Variants in ZNF248 observed in about 807,000 individuals in gnomAD.
ZNF248 encodes zinc finger protein 248, also known as KRAB protein domain.
ZNF248 carries 20 observed loss-of-function variants against 44.3 expected under a neutral mutation model. That is an observed-to-expected ratio of 0.45 (90% CI 0.32 to 0.66). The LOEUF is 0.66. Ranked by LOEUF, ZNF248 falls within the 30% of genes least tolerant of loss-of-function variation. ZNF248 has a pLI of 0.04. For synonymous variants in ZNF248, 224 were observed against 229.0 expected, an observed-to-expected ratio of 0.98 and a Z score of 0.20; for missense variants, 654 against 677.0, an observed-to-expected ratio of 0.97 and a Z score of 0.38.
At chr10:37,836,642 A>G (rs2057241185) in intron 5 of ZNF248, among the ~76,000 whole-genome samples, 2 of 152,182 alleles carry the variant, frequency 1.3e-5, no homozygotes, top group Admixed American at 1.3e-4. Context: ...CTATACCGTC[A>G]TTCTTCGTCC....
At chr10:37,826,692 T>C (rs559420936), downstream of ZNF248, among the ~76,000 whole-genome samples, 11 of 152,312 alleles carry the variant, frequency 7.2e-5, no homozygotes, top group South Asian at 1.9e-3. Context: ...TAATTTCCTG[T>C]GGATGAGCTG....
At chr10:37,765,784 A>G in the ZNF248 span, among the ~76,000 whole-genome samples, 1 of 152,226 alleles carries the variant, frequency 6.6e-6, no homozygotes, top group Admixed American at 6.5e-5. Flanking sequence ...GCAGCACACC[A>G]TGCGTGAGCT....
the ZNF248 span, among the ~76,000 whole-genome samples, chr10:37,766,738 C>T: frequency 6.6e-6 from 1 of 152,208 alleles, no homozygotes; most frequent in Non-Finnish European, 1.5e-5. Flanking sequence ...CAAAGGAACA[C>T]AGCTCCTCAC....
At chr10:37,835,863 T>C (rs2057184312) in intron 5 of ZNF248, among the ~76,000 whole-genome samples, 1 of 152,266 alleles carries the variant, frequency 6.6e-6, no homozygotes, top group South Asian at 2.1e-4. Flanking sequence ...TGGATACTTC[T>C]AGTTCTGACC....
chr10:37,806,570 C>T (rs942107993), intron 6 of ZNF248, among the ~76,000 whole-genome samples: 1 of 151,750 alleles, frequency 6.6e-6, no homozygotes, highest in Non-Finnish European at 1.5e-5. Context: ...GTCCTTGGCC[C>T]ATTTTTTAAT....
chr10:37,783,138 T>G (rs2047506258), intron 6 of ZNF248, among the ~76,000 whole-genome samples: 1 of 152,138 alleles, frequency 6.6e-6, no homozygotes, highest in African/African-American at 2.4e-5. Flanking sequence ...ACTCAAGAAC[T>G]CTTGAGTGGA....
intron 6 of ZNF248, among the ~76,000 whole-genome samples, chr10:37,812,710 A>G (rs147106514): frequency 6.6e-6 from 1 of 152,180 alleles, no homozygotes; most frequent in Non-Finnish European, 1.5e-5. Context: ...ATGTGCCCCC[A>G]GACAGTGTCT....
At chr10:37,827,942 C>T (rs2054648632), downstream of ZNF248, among the ~76,000 whole-genome samples, 1 of 152,066 alleles carries the variant, frequency 6.6e-6, no homozygotes, top group Non-Finnish European at 1.5e-5. Flanking sequence ...AGGAGTTTAC[C>T]AGAAAACTAT....
chr10:37,775,854 G>A (rs926718253), downstream of ZNF248, among the ~76,000 whole-genome samples: 2 of 152,118 alleles, frequency 1.3e-5, no homozygotes, highest in African/African-American at 4.8e-5. Context: ...TTTTAAGATT[G>A]TTTGCTTCTA....
chr10:37,843,981 G>A (rs1333781834), intron 3 of ZNF248, among the ~76,000 whole-genome samples: 1 of 152,122 alleles, frequency 6.6e-6, no homozygotes, highest in Non-Finnish European at 1.5e-5. Flanking sequence ...AAAAAAGAGA[G>A]AGAAATGGGG....
rs146633481 is a variant in ZNF248 at position 37,832,765 on chromosome 10, T to C, written c.590A>G (p.Asn197Ser). 1.8e-3 allele frequency: 2,826 copies of C among 1,613,752 alleles called. 2 individuals are homozygous for C. The highest frequency in any genetic ancestry group is 2.2e-3 in the Non-Finnish European group (2,543 of 1,179,844). ...EKSYKYDQKRNAINYHQDLSQ... is the reference protein window; with the variant it reads ...EKSYKYDQKRSAINYHQDLSQ... ...GAGATCCTGGTGATAATTAATGGCA[T>C]TCCTTTTTTGATCATATTTATAAGA... The change falls in exon 6 of 6, where the codon AAT (asparagine) becomes AGT (serine). Residue 197 changes from asparagine (N) to serine (S), a missense_variant. Physicochemically the swap from Asn to Ser is conservative, Grantham distance 46. Coordinates refer to ENST00000395867, the MANE Select transcript of ZNF248 (RefSeq NM_021045.3).
intron 6 of ZNF248, among the ~76,000 whole-genome samples, chr10:37,813,697 T>C (rs2133448612): frequency 6.6e-6 from 1 of 152,314 alleles, no homozygotes; most frequent in South Asian, 2.1e-4. Context: ...GTAAGTCTTC[T>C]GGTCAATAGT....
chr10:37,818,974 A>C, intron 6 of ZNF248: 1 of 1,059,106 alleles, frequency 9.4e-7, no homozygotes. Context: ...TTTCTCAACC[A>C]CAAAACTCTG....
intron 6 of ZNF248, among the ~76,000 whole-genome samples, chr10:37,781,685 G>A (rs1165945706): frequency 6.6e-6 from 1 of 152,186 alleles, no homozygotes; most frequent in Non-Finnish European, 1.5e-5. Context: ...ACCTTTTTAT[G>A]TATGAGAAAG....
intron 6 of ZNF248, among the ~76,000 whole-genome samples, chr10:37,813,747 T>C (rs1478473104): frequency 6.6e-6 from 1 of 152,240 alleles, no homozygotes; most frequent in Non-Finnish European, 1.5e-5. Flanking sequence ...GCCAAAGTTA[T>C]GTGCGTGTGC....
rs142669330 is a variant in ZNF248 at position 37,856,421 on chromosome 10, C to T, written c.-28+14G>A. On this transcript the variant is annotated intron_variant, in intron 2 of 5. Transcript: ENST00000395867. ...ATTCACCTGCCTATACAGGTCCACA[C>T]ACAAGATACTTACGTGTCCATGTGT... The T allele has an allele frequency of 2.6e-5, 40 of 1,550,030 alleles. No homozygotes were observed. The East Asian group carries it at 7.9e-4, about 31-fold the overall frequency.
rs1312334801 is a variant in ZNF248, at chr10:37,830,664, T to G, written c.*951A>C. ...AGGTTCTCTGAGAAAATTAAAACCC[T>G]GATTTATAGTTTGTCAATTTCCATG... On this transcript the variant is annotated 3_prime_UTR_variant, in exon 6 of 6. Coordinates refer to ENST00000395867, the MANE Select transcript of ZNF248 (RefSeq NM_021045.3). 1.1e-6 allele frequency: 1 copy of G among 947,938 alleles called. No homozygotes were observed. 58.7% of individuals were successfully genotyped at this position (947,938 alleles called of 1,614,324 possible). A position where few individuals can be genotyped will look rare whatever the true frequency, so the allele number is the denominator to read the frequency against.
intron 5 of ZNF248, among the ~76,000 whole-genome samples, 195 bp from the exon 6 acceptor site, chr10:37,833,311 A>G (rs2056360260): frequency 1.3e-5 from 2 of 152,176 alleles, no homozygotes; most frequent in South Asian, 4.1e-4. Flanking sequence ...GCTTCAGTGG[A>G]AACAGGGAGA....
At chr10:37,774,757 T>C (rs2046450108), downstream of ZNF248, among the ~76,000 whole-genome samples, 1 of 152,106 alleles carries the variant, frequency 6.6e-6, no homozygotes, top group Non-Finnish European at 1.5e-5. Flanking sequence ...GAAGTCTTTG[T>C]GTTCCATGAA....
Sources: gnomAD v4.1 joint callset for allele counts (sites outside exome capture counted in the v4.1 genomes callset) on GRCh38, gnomAD v4.1.1 for gene constraint, MANE v1.5 for transcripts, NCBI Gene and HGNC (gene_info 2026-07-23, HGNC 2026-07-21) for gene names.